The following CBX7 variants were observed in gnomAD, a reference collection of about 807,000 sequenced individuals.
The protein encoded by CBX7 is chromobox 7.
In CBX7, 14 loss-of-function variants were observed where a neutral mutation model predicts 31.4. The ratio of observed to expected loss-of-function variants is 0.45; its 90% CI spans 0.29 to 0.70. The LOEUF (loss-of-function observed/expected upper bound fraction) is 0.70. Among genes scored for constraint, CBX7 ranks in the 30% least tolerant of loss-of-function variants. The pLI is 0.11. For missense variants in CBX7, 269 were observed against 351.9 expected (o/e 0.76, Z 1.89); for synonymous variants, 159 against 152.6 (o/e 1.04, Z -0.31).
intron 3 of CBX7, among the ~76,000 whole-genome samples, chr22:39,139,702 CA>C (rs67244690): frequency 0.037 from 1,188 of 32,038 alleles, 12 homozygotes; most frequent in African/African-American, 0.12. Context: ...GACTCCATCT[CA>C]AAAAAAAAAA....
At chr22:39,146,618 C>T (rs543167466) in intron 2 of CBX7, among the ~76,000 whole-genome samples, 5 of 152,356 alleles carry the variant, frequency 3.3e-5, no homozygotes, top group East Asian at 1.9e-4. Context: ...CACATCTGCC[C>T]AGCTCTATGA....
In CBX7 at chr22:39,131,879, A is replaced by C. The variant is rs34963492; in HGVS notation, c.*2012T>G. ...CAAAACATTCAACTAGAGACCCCCC[A>C]CAACCCTCTATCATCTTTACCTCCG... On this transcript the variant is annotated 3_prime_UTR_variant, in exon 6 of 6. Coordinates refer to ENST00000216133, the MANE Select transcript of CBX7 (RefSeq NM_175709.5). 0.027 allele frequency: 4,140 copies of C among 152,278 alleles called. 81 individuals carry two copies. Among genetic ancestry groups the C allele is most frequent in the Non-Finnish European group, 0.042 (2,846 of 68,086 alleles). The allele number at this position is 152,278 out of a possible 1,614,324, so 9.4% of individuals were successfully genotyped here.
intron 4 of CBX7, among the ~76,000 whole-genome samples, chr22:39,136,918 G>A (rs1019810638): frequency 6.6e-6 from 1 of 152,172 alleles, no homozygotes; most frequent in Non-Finnish European, 1.5e-5. Context: ...TGCATGAAGG[G>A]AGGCCCACCC....
chr22:39,137,035 CT>C (rs1930278545), intron 4 of CBX7, among the ~76,000 whole-genome samples: 1 of 152,228 alleles, frequency 6.6e-6, no homozygotes. Flanking sequence ...TTCCAATATC[CT>C]GCCTGGTGGG....
At chr22:39,146,952 C>T (rs1436706365) in intron 2 of CBX7, among the ~76,000 whole-genome samples, 1 of 152,100 alleles carries the variant, frequency 6.6e-6, no homozygotes, top group Non-Finnish European at 1.5e-5. Context: ...GTCCCGGGCC[C>T]CGAGCCCCTC....
intron 2 of CBX7, chr22:39,147,799 G>A (rs1482473412): frequency 6.6e-6 from 1 of 152,288 alleles, no homozygotes; most frequent in Non-Finnish European, 1.5e-5. Flanking sequence ...AAAATCAGAG[G>A]ACTGGCCTAA....
chr22:39,134,217 C>G, intron 5 of CBX7, 169 bp from the exon 6 acceptor site: 1 of 861,864 alleles, frequency 1.2e-6, no homozygotes, highest in South Asian at 1.8e-5. Context: ...TCCTCCCCAC[C>G]TAGACAAGAG....
intron 2 of CBX7, among the ~76,000 whole-genome samples, 158 bp from the exon 3 acceptor site, chr22:39,141,594 C>T (rs1311359742): frequency 1.3e-5 from 2 of 152,018 alleles, no homozygotes; most frequent in African/African-American, 2.4e-5. Context: ...ACTAAAAATA[C>T]AAAAATTAGC....
chr22:39,133,424 G>A lies in CBX7; in HGVS notation c.*467C>T, dbSNP rs11089928. 11,994 of 152,450 alleles carry A rather than the reference G, an allele frequency of 0.079. 581 individuals are homozygous for A. Among genetic ancestry groups the A allele is most frequent in the African/African-American group, 0.13 (5,428 of 41,454 alleles). 9.4% of individuals were successfully genotyped at this position (152,450 alleles called of 1,614,324 possible). A position where few individuals can be genotyped will look rare whatever the true frequency, so the allele number is the denominator to read the frequency against. ...CTTCCTCCCGCCCCACTCACTTTTGGTCAAAACCAGCCTCCACAGCCCACC... is the reference window on the plus strand; with the variant it reads ...CTTCCTCCCGCCCCACTCACTTTTGATCAAAACCAGCCTCCACAGCCCACC... On this transcript the variant is annotated 3_prime_UTR_variant, in exon 6 of 6. Coordinates refer to ENST00000216133, the MANE Select transcript of CBX7 (RefSeq NM_175709.5).
chr22:39,146,131 C>T (rs1225858802), intron 2 of CBX7, among the ~76,000 whole-genome samples: 1 of 152,224 alleles, frequency 6.6e-6, no homozygotes, highest in Non-Finnish European at 1.5e-5. Context: ...GAGACGCCAC[C>T]GCTCTGGGGC....
chr22:39,134,634 GC>G lies in CBX7; in HGVS notation c.364del (p.Ala122HisfsTer99). ...GSPEGVVKAG[A>X]PELVDKGPLV... The stretch of plus-strand genomic sequence containing the variant: ...GGGGCCCTTGTCCACCAGCTCAGGT[GC>G]CCCCGCCTTGACCACCCCCTCAGGG... On this transcript the variant is annotated frameshift_variant, in exon 5 of 6. Coordinates refer to ENST00000216133, the MANE Select transcript of CBX7 (RefSeq NM_175709.5). LOFTEE classifies it high-confidence loss of function. 6.3e-7 allele frequency: 1 copy of G among 1,583,878 alleles called. No individual in the cohort carries two copies. Among genetic ancestry groups the G allele is most frequent in the Non-Finnish European group, 8.6e-7 (1 of 1,164,694 alleles).
intron 3 of CBX7, among the ~76,000 whole-genome samples, chr22:39,140,085 T>C (rs1930400508): frequency 6.6e-6 from 1 of 152,228 alleles, no homozygotes. Context: ...CCACACTCTC[T>C]GCAGCCCCCA....
At chr22:39,137,629 A>G (rs1242394671) in intron 4 of CBX7, among the ~76,000 whole-genome samples, 1 of 151,722 alleles carries the variant, frequency 6.6e-6, no homozygotes, top group African/African-American at 2.4e-5. Context: ...GATTACAGGC[A>G]TGAGCCACCG....
At position 39,152,464 on chromosome 22, in the gene CBX7, G is replaced by T. The variant is rs758093679; in HGVS notation, c.-20C>A. 4 of 1,114,904 alleles carry T rather than the reference G, an allele frequency of 3.6e-6. No homozygotes were observed. Among genetic ancestry groups the T allele is most frequent in the Non-Finnish European group, 4.4e-6 (4 of 910,580 alleles). 69.1% of individuals were successfully genotyped at this position (1,114,904 alleles called of 1,614,324 possible). Reference sequence around the variant, plus strand: ...CTCCATGCGGGGCGGCGGGCGAGCGGGCCCGGGGCCGGGCCGGGCCGGGGG... The same window carrying T: ...CTCCATGCGGGGCGGCGGGCGAGCGTGCCCGGGGCCGGGCCGGGCCGGGGG... On this transcript the variant is annotated 5_prime_UTR_variant, in exon 1 of 6. Coordinates refer to ENST00000216133, the MANE Select transcript of CBX7 (RefSeq NM_175709.5). The surrounding 1 kb of genome is among the most constrained non-coding windows in gnomAD (Gnocchi z 4.9).
At chr22:39,149,339 T>C in intron 2 of CBX7, 1 of 185,360 alleles carries the variant, frequency 5.4e-6, no homozygotes. Flanking sequence ...CTCTATAGAC[T>C]GGAAAGTGCC....
At chr22:39,144,105 C>G (rs2146364564) in intron 2 of CBX7, among the ~76,000 whole-genome samples, 1 of 152,242 alleles carries the variant, frequency 6.6e-6, no homozygotes, top group East Asian at 1.9e-4. Context: ...GAGGCCTCTA[C>G]CTTACAGTAT....
At position 39,152,315 on chromosome 22, in the gene CBX7, C is replaced by A; in HGVS notation, c.69+61G>T. 1 of 1,110,920 alleles carries A rather than the reference C, an allele frequency of 9.0e-7. No homozygotes were observed. The highest frequency in any genetic ancestry group is 1.2e-6 in the Non-Finnish European group (1 of 857,850). 68.8% of individuals were successfully genotyped at this position (1,110,920 alleles called of 1,614,324 possible). ...CCCTTCAGCCCCAGCGTGGAGGGAG[C>A]GGTGCTGGGGACGGGAGGGACCCCA... On this transcript the variant is annotated intron_variant, in intron 1 of 5. Coordinates refer to ENST00000216133, the MANE Select transcript of CBX7 (RefSeq NM_175709.5). This position sits in a 1 kb window ranked among gnomAD's most constrained non-coding sequence, Gnocchi z 4.9.
chr22:39,135,141 C>T (rs1030745516), intron 4 of CBX7: 6 of 181,542 alleles, frequency 3.3e-5, no homozygotes, highest in Non-Finnish European at 6.9e-5. Flanking sequence ...AAAACTGACA[C>T]TGCCAGCTCA....
intron 4 of CBX7, 46 bp downstream of exon 4, chr22:39,138,590 G>C: frequency 6.3e-7 from 1 of 1,580,124 alleles, no homozygotes; most frequent in Non-Finnish European, 8.7e-7. Flanking sequence ...AGGGGGACTT[G>C]GGGTTGGGCA....
Sources: gnomAD v4.1 joint callset for allele counts (sites outside exome capture counted in the v4.1 genomes callset) on GRCh38, gnomAD v4.1.1 for gene constraint, Gnocchi (gnomAD v3.1) non-coding constraint, MANE v1.5 for transcripts, NCBI Gene and HGNC (gene_info 2026-07-23, HGNC 2026-07-21) for gene names.